Variants in KIAA1549L observed in about 807,000 individuals in gnomAD.
KIAA1549L encodes KIAA1549 like.
KIAA1549L carries 88 observed loss-of-function variants against 160.7 expected under a neutral mutation model. The observed-to-expected ratio is 0.55, with a 90% CI of 0.46 to 0.65. KIAA1549L has a LOEUF of 0.65. Ranked by LOEUF, KIAA1549L falls within the 30% of genes least tolerant of loss-of-function variation. KIAA1549L has a pLI of 0.00. For synonymous variants in KIAA1549L, 950 were observed against 976.7 expected, an observed-to-expected ratio of 0.97 and a Z score of 0.51; for missense variants, 2,258 against 2,437.5, an observed-to-expected ratio of 0.93 and a Z score of 1.55.
chr11:33,491,883 T>G (rs1376829125), intron 1 of KIAA1549L, among the ~76,000 whole-genome samples: 1 of 152,180 alleles, frequency 6.6e-6, no homozygotes, highest in Non-Finnish European at 1.5e-5. Flanking sequence ...AGAGAGCTGG[T>G]TTCTATCAAA....
intron 16 of KIAA1549L, among the ~76,000 whole-genome samples, chr11:33,625,347 A>G (rs906990772): frequency 3.5e-4 from 53 of 152,128 alleles, no homozygotes; most frequent in Non-Finnish European, 2.1e-4. Flanking sequence ...GACTTCCACA[A>G]TGGTTGAACT....
intron 1 of KIAA1549L, among the ~76,000 whole-genome samples, chr11:33,506,566 T>C (rs1002543585): frequency 3.3e-5 from 5 of 151,962 alleles, no homozygotes; most frequent in Non-Finnish European, 7.4e-5. Context: ...CAACAAATTT[T>C]TTTAAATGAA....
At chr11:33,508,485 A>G (rs1853145597) in intron 1 of KIAA1549L, among the ~76,000 whole-genome samples, 1 of 152,182 alleles carries the variant, frequency 6.6e-6, no homozygotes, top group South Asian at 2.1e-4. Flanking sequence ...GAAAGGTGAA[A>G]ATGAATGGCT....
intron 1 of KIAA1549L, among the ~76,000 whole-genome samples, chr11:33,489,797 C>T (rs946703346): frequency 5.9e-5 from 9 of 152,178 alleles, no homozygotes; most frequent in African/African-American, 2.2e-4. Flanking sequence ...TGTAGTCTAG[C>T]TGTGTGCTCA....
In KIAA1549L at chr11:33,397,195, G is replaced by A. The variant is rs1340985613; in HGVS notation, c.238+20306G>A. 2.8e-5 allele frequency among the ~76,000 whole-genome samples: 4 copies of A among 143,566 alleles called. 1 individual carries two copies. Among genetic ancestry groups the A allele is most frequent in the South Asian group, 4.5e-4 (2 of 4,418 alleles). 94.2% of individuals were successfully genotyped at this position (143,566 alleles called of 152,430 possible). On this transcript the variant is annotated intron_variant, in intron 1 of 20. Coordinates refer to ENST00000658780, the MANE Select transcript of KIAA1549L (RefSeq NM_012194.3). ...AAAAAAATACAAAAATTAGCCGGAC[G>A]TGGTGGCAGGCGCCTGTAGTCCCAG...
At chr11:33,511,374 C>G (rs892461244) in intron 1 of KIAA1549L, among the ~76,000 whole-genome samples, 11 of 152,224 alleles carry the variant, frequency 7.2e-5, no homozygotes, top group Admixed American at 7.2e-4. Context: ...CATGGGGATA[C>G]TGATATCTTA....
chr11:33,657,631 C>T (rs10742303), intron 18 of KIAA1549L, among the ~76,000 whole-genome samples: 59,433 of 151,756 alleles, frequency 0.39, 11,872 homozygotes, highest in East Asian at 0.5. Context: ...ACCCCGTCTA[C>T]ACTAAAAATA....
At chr11:33,441,513 T>G (rs1851506238) in intron 1 of KIAA1549L, among the ~76,000 whole-genome samples, 1 of 151,596 alleles carries the variant, frequency 6.6e-6, no homozygotes, top group African/African-American at 2.4e-5. Context: ...CCACAATGGT[T>G]GAACTAGTTT....
intron 9 of KIAA1549L, among the ~76,000 whole-genome samples, chr11:33,569,564 C>G (rs1485227552): frequency 2.6e-5 from 4 of 152,188 alleles, no homozygotes; most frequent in Non-Finnish European, 4.4e-5. Context: ...AATCCTGTCT[C>G]CAGGCAATCT....
intron 6 of KIAA1549L, among the ~76,000 whole-genome samples, chr11:33,555,724 G>A (rs952140980): frequency 2.0e-5 from 3 of 152,150 alleles, no homozygotes; most frequent in Non-Finnish European, 2.9e-5. Context: ...GGAAAACATA[G>A]GGGAAAAACT....
At chr11:33,435,645 T>C (rs1486595806) in intron 1 of KIAA1549L, among the ~76,000 whole-genome samples, 5 of 150,202 alleles carry the variant, frequency 3.3e-5, no homozygotes, top group Non-Finnish European at 5.9e-5. Context: ...TAATGTTTAT[T>C]GAAGATTTAC....
intron 16 of KIAA1549L, among the ~76,000 whole-genome samples, chr11:33,633,139 CTTTTTTTTTTTTTTTT>C (rs56310347): frequency 2.0e-5 from 1 of 50,714 alleles, no homozygotes; most frequent in African/African-American, 8.5e-5. Context: ...CCATGCCCAG[CTTTTTTTTTTTTTTTT>C]TTTTTTTTTT....
At position 33,673,925 on chromosome 11, in the gene KIAA1549L, T is replaced by G. The variant is rs1389682995; in HGVS notation, c.*5771T>G. 6.6e-6 allele frequency: 1 copy of G among 152,232 alleles called. No homozygotes were observed. The highest frequency in any genetic ancestry group is 1.5e-5 in the Non-Finnish European group (1 of 68,050). The allele number at this position is 152,232 out of a possible 1,614,324, so 9.4% of individuals were successfully genotyped here. ...CCCAACCGGTGAGTCTTTAAAACCA[T>G]ATTAGACACATTGGGCAAAGTACTG... On this transcript the variant is annotated 3_prime_UTR_variant, in exon 21 of 21. Transcript: ENST00000658780.
At chr11:33,513,449 C>T (rs897568013) in intron 1 of KIAA1549L, among the ~76,000 whole-genome samples, 6 of 152,166 alleles carry the variant, frequency 3.9e-5, no homozygotes, top group African/African-American at 7.2e-5. Context: ...GAGAACGTGC[C>T]ACTGGGCTTG....
chr11:33,399,582 G>A (rs966455243), intron 1 of KIAA1549L, among the ~76,000 whole-genome samples: 1 of 152,172 alleles, frequency 6.6e-6, no homozygotes, highest in East Asian at 1.9e-4. Flanking sequence ...CATCTCCCAT[G>A]GTGGAATGTC....
intron 18 of KIAA1549L, among the ~76,000 whole-genome samples, chr11:33,656,334 TGAA>T (rs1852064696): frequency 6.6e-6 from 1 of 152,160 alleles, no homozygotes; most frequent in African/African-American, 2.4e-5. Flanking sequence ...AATCCACAGT[TGAA>T]GAAGCCCAAG....
At chr11:33,500,821 C>T (rs1028779744) in intron 1 of KIAA1549L, among the ~76,000 whole-genome samples, 2 of 151,962 alleles carry the variant, frequency 1.3e-5, no homozygotes, top group Non-Finnish European at 2.9e-5. Context: ...GAAATGTAGG[C>T]AACACCTTTT....
chr11:33,625,664 T>C (rs1203436403), intron 16 of KIAA1549L, among the ~76,000 whole-genome samples: 2 of 152,108 alleles, frequency 1.3e-5, no homozygotes, highest in Non-Finnish European at 2.9e-5. Context: ...ATTAGCCCTT[T>C]GTCAGATGAG....
chr11:33,616,516 C>T (rs1333654750), intron 15 of KIAA1549L, among the ~76,000 whole-genome samples: 1 of 152,102 alleles, frequency 6.6e-6, no homozygotes, highest in East Asian at 1.9e-4. Context: ...ATGCTCTTAC[C>T]AAAGGAAGGT....
Sources: gnomAD v4.1 joint callset for allele counts (sites outside exome capture counted in the v4.1 genomes callset) on GRCh38, gnomAD v4.1.1 for gene constraint, MANE v1.5 for transcripts, NCBI Gene and HGNC (gene_info 2026-07-23, HGNC 2026-07-21) for gene names.